Variants in PTPN2 observed in about 807,000 individuals in gnomAD.
PTPN2 encodes tyrosine-protein phosphatase non-receptor type 2.
Under a neutral mutation model 57.3 loss-of-function variants are expected in PTPN2, and 19 were observed. The observed-to-expected ratio is 0.33, with a 90% confidence interval of 0.23 to 0.49. PTPN2 has a LOEUF of 0.49. PTPN2 is among the 20% of genes least tolerant of loss of function. PTPN2 has a pLI of 0.99. For missense variants in PTPN2, 358 were observed against 501.1 expected, an observed-to-expected ratio of 0.71 and a Z score of 2.73; for synonymous variants, 153 against 164.9, an observed-to-expected ratio of 0.93 and a Z score of 0.55.
chr18:12,812,458 G>C (rs774199692), intron 7 of PTPN2, among the ~76,000 whole-genome samples: 12 of 152,148 alleles, frequency 7.9e-5, no homozygotes, highest in Non-Finnish European at 1.8e-4. Context: ...AATTAGCCAG[G>C]AGTGGTGGCA....
chr18:12,859,082 C>A, intron 2 of PTPN2, 82 bp downstream of exon 2: 2 of 1,000,732 alleles, frequency 2.0e-6, no homozygotes, highest in South Asian at 2.9e-5. Flanking sequence ...TCAACACTGA[C>A]CCCAAGCCCT....
intron 3 of PTPN2, among the ~76,000 whole-genome samples, chr18:12,836,067 A>T (rs563393024): frequency 6.6e-6 from 1 of 152,218 alleles, no homozygotes; most frequent in Non-Finnish European, 1.5e-5. Flanking sequence ...GATTTAAGTT[A>T]TGTTTTCAAA....
At chr18:12,873,030 A>G (rs960366253) in intron 1 of PTPN2, among the ~76,000 whole-genome samples, 2 of 152,106 alleles carry the variant, frequency 1.3e-5, no homozygotes, top group Non-Finnish European at 1.5e-5. Flanking sequence ...AGACTGGCCC[A>G]GCCAACACAG....
intron 1 of PTPN2, chr18:12,880,453 TAA>T (rs1224798473): frequency 6.6e-6 from 1 of 152,230 alleles, no homozygotes; most frequent in Non-Finnish European, 1.5e-5. Context: ...GTTGGGCTTC[TAA>T]AAAGAGCAGT....
intron 7 of PTPN2, among the ~76,000 whole-genome samples, chr18:12,807,877 A>C (rs1235751977): frequency 1.3e-5 from 2 of 151,958 alleles, no homozygotes; most frequent in Admixed American, 6.6e-5. Flanking sequence ...CAGAATGACT[A>C]TGGTTAATAA....
intron 1 of PTPN2, 172 bp downstream of exon 1, chr18:12,883,899 GGA>G (rs1394034736): frequency 2.1e-6 from 1 of 468,872 alleles, no homozygotes; most frequent in African/African-American, 2.2e-5. Context: ...TAAACCAAAA[GGA>G]GCAAGAGAGC....
intron 2 of PTPN2, chr18:12,840,753 T>C (rs1300297914): frequency 6.3e-7 from 1 of 1,598,382 alleles, no homozygotes; most frequent in East Asian, 2.2e-5. Context: ...CCCTGATCCA[T>C]CCAGTTGGTG....
intron 4 of PTPN2, among the ~76,000 whole-genome samples, chr18:12,828,732 A>G (rs1276718058): frequency 2.0e-5 from 3 of 152,156 alleles, no homozygotes; most frequent in African/African-American, 7.2e-5. Context: ...GAAAAGCCCT[A>G]AAAACAATGA....
At chr18:12,789,928 G>GGA (rs774954302), downstream of PTPN2, among the ~76,000 whole-genome samples, 1 of 151,160 alleles carries the variant, frequency 6.6e-6, no homozygotes, top group African/African-American at 2.4e-5. Context: ...AGAGAGAGAG[G>GGA]GAGAGAGAGA....
At chr18:12,810,696 A>G (rs572879573) in intron 7 of PTPN2, among the ~76,000 whole-genome samples, 32 of 152,226 alleles carry the variant, frequency 2.1e-4, no homozygotes, top group Non-Finnish European at 3.5e-4. Flanking sequence ...AGTTAGTAGT[A>G]CAGTTTGGTA....
At chr18:12,855,865 G>A (rs34153303) in intron 2 of PTPN2, among the ~76,000 whole-genome samples, 13,112 of 152,236 alleles carry the variant, frequency 0.086, 745 homozygotes, top group East Asian at 0.16. Flanking sequence ...TTAATAGTTA[G>A]GTTAGAGGAC....
At chr18:12,816,548 A>G (rs17598047) in intron 6 of PTPN2, among the ~76,000 whole-genome samples, 14,819 of 152,214 alleles carry the variant, frequency 0.097, 986 homozygotes, top group Non-Finnish European at 0.15. Context: ...TATCCCAAGT[A>G]ACGAAAAAAT....
chr18:12,875,011 C>A (rs1256208889), intron 1 of PTPN2, among the ~76,000 whole-genome samples: 2 of 152,060 alleles, frequency 1.3e-5, no homozygotes, highest in Non-Finnish European at 2.9e-5. Flanking sequence ...CCTTACCCCC[C>A]AACCCTGTGC....
Position 12,884,076 on chromosome 18 carries a change from G to A in PTPN2, c.66C>T (p.Tyr22=). 1 of 1,577,516 alleles carries A rather than the reference G, an allele frequency of 6.3e-7. No homozygotes were observed. Among genetic ancestry groups the A allele is most frequent in the Non-Finnish European group, 8.6e-7 (1 of 1,163,392 alleles). Residue 22 remains tyrosine (Y), a synonymous_variant, in exon 1 of 9, where the codon TAC becomes TAT. Coordinates refer to ENST00000309660, the MANE Select transcript of PTPN2 (RefSeq NM_002828.4). ...LDTQRRWQPL[Y]LEIRNESHDY... ...GCCGCGTGGGTCCGCGACTCACCAA[G>A]TACAGCGGCTGCCAGCGACGCTGAG...
intron 4 of PTPN2, among the ~76,000 whole-genome samples, 153 bp from the exon 5 acceptor site, chr18:12,826,097 A>AT (rs1180430590): frequency 2.6e-5 from 4 of 152,330 alleles, no homozygotes; most frequent in Admixed American, 2.6e-4. Flanking sequence ...CGCTTAATGT[A>AT]TTTTAGTAAG....
At chr18:12,847,972 C>A (rs569100075) in intron 2 of PTPN2, among the ~76,000 whole-genome samples, 12 of 151,186 alleles carry the variant, frequency 7.9e-5, no homozygotes, top group Admixed American at 6.6e-5. Flanking sequence ...GTGAGAAAAT[C>A]TTTTAGTAAA....
intron 1 of PTPN2, among the ~76,000 whole-genome samples, chr18:12,866,215 G>C (rs1345361312): frequency 1.3e-5 from 2 of 151,710 alleles, no homozygotes; most frequent in Non-Finnish European, 2.9e-5. Flanking sequence ...GAGGCAGGTG[G>C]ATCACGAGGT....
At chr18:12,788,116 C>T (rs1272020535), downstream of PTPN2, 1 of 154,766 alleles carries the variant, frequency 6.5e-6, no homozygotes, top group Non-Finnish European at 1.5e-5. Context: ...AAGTTTTTAA[C>T]AGCAGAAATT....
Position 12,785,857 on chromosome 18 carries a change from A to G in PTPN2, c.1143-13T>C, listed in dbSNP as rs755513272. 13 of 1,596,132 alleles carry G rather than the reference A, an allele frequency of 8.1e-6. No homozygotes were observed. The South Asian group carries it at 9.9e-5, about 12-fold the overall frequency. ...TGTCAATCTTGGCCTAAAACATAAA[A>G]TAAGAAGTCATCTATTCAATTCATA... On this transcript the variant is annotated splice_polypyrimidine_tract_variant and intron_variant, in intron 9 of 9. Coordinates refer to the PTPN2 transcript ENST00000327283.
Sources: gnomAD v4.1 joint callset for allele counts (sites outside exome capture counted in the v4.1 genomes callset) on GRCh38, gnomAD v4.1.1 for gene constraint, MANE v1.5 for transcripts, NCBI Gene and HGNC (gene_info 2026-07-23, HGNC 2026-07-21) for gene names.